ANKEF1: variants seen among roughly 807,000 people sequenced by gnomAD.
ANKEF1 encodes ankyrin repeat and EF-hand domain containing 1.
ANKEF1 carries 43 observed loss-of-function variants against 65.1 expected under a neutral mutation model. That is an observed-to-expected ratio of 0.66 (90% CI 0.52 to 0.85). The LOEUF (loss-of-function observed/expected upper bound fraction) is 0.85. Ranked by LOEUF, ANKEF1 falls within the 40% of genes least tolerant of loss-of-function variation. The pLI, the probability that ANKEF1 is intolerant of heterozygous loss-of-function variation, is 0.00. For synonymous variants in ANKEF1, 316 were observed against 341.5 expected, an observed-to-expected ratio of 0.93 and a Z score of 0.82; for missense variants, 934 against 952.9, an observed-to-expected ratio of 0.98 and a Z score of 0.26.
chr20:10,054,430 A>G (rs1177174038), intron 9 of ANKEF1, 32 bp from the exon 10 acceptor site: 1 of 1,497,076 alleles, frequency 6.7e-7, no homozygotes, highest in Non-Finnish European at 8.9e-7. Context: ...ATAGATTTTT[A>G]CAATTTATAA....
Position 10,040,008 on chromosome 20 carries a change from T to A in ANKEF1, c.346+1361T>A, listed in dbSNP as rs558858587. Among the ~76,000 whole-genome samples the A allele has an allele frequency of 3.2e-3, 487 of 152,270 alleles. 3 individuals are homozygous for A. The highest frequency in any genetic ancestry group is 0.011 in the African/African-American group (438 of 41,532). On this transcript the variant is annotated intron_variant, in intron 3 of 10. Coordinates refer to ENST00000378392, the MANE Select transcript of ANKEF1 (RefSeq NM_022096.6). ...ACAATGTAAAAGTGTAAATTTTTTTTAAAAAATCAAGGTAAAATTGGAAAC... is the reference window on the plus strand; with the variant it reads ...ACAATGTAAAAGTGTAAATTTTTTTAAAAAAATCAAGGTAAAATTGGAAAC...
chr20:10,045,735 T>C (rs768739450), intron 6 of ANKEF1, 38 bp downstream of exon 6: 2 of 1,608,422 alleles, frequency 1.2e-6, no homozygotes, highest in Admixed American at 3.3e-5. Context: ...CAAGTACTTA[T>C]GATTTACCCA....
chr20:10,043,161 A>C lies in ANKEF1; in HGVS notation c.386A>C (p.Tyr129Ser). ...FYCILPTKRH[Y>S]RCALIALEHG... ...TGCATTTTACCGACTAAGCGGCATT[A>C]TCGCTGTGCTCTGATCGCCCTTGAA... The change falls in exon 4 of 11, where the codon TAT becomes TCT. Residue 129 changes from tyrosine (Y) to serine (S), a missense_variant. Physicochemically the swap from Tyr to Ser is moderately radical, Grantham distance 144. Coordinates refer to ENST00000378392, the MANE Select transcript of ANKEF1 (RefSeq NM_022096.6). 6.2e-7 allele frequency: 1 copy of C among 1,614,164 alleles called. No homozygotes were observed. The highest frequency in any genetic ancestry group is 8.5e-7 in the Non-Finnish European group (1 of 1,180,020).
At chr20:10,051,977 T>A in intron 8 of ANKEF1, 88 bp downstream of exon 8, 3 of 1,033,038 alleles carry the variant, frequency 2.9e-6, no homozygotes, top group South Asian at 3.3e-5. Context: ...TCTCGTAGGC[T>A]TGCATTGTCC....
rs114733618 is a variant in ANKEF1 at position 10,043,355 on chromosome 20, G to A, written c.546+34G>A. ...ATTCTTGTGATTACAAATATTTCTT[G>A]TTTCAATTACAGCATAGTATAATCT... On this transcript the variant is annotated intron_variant, in intron 4 of 10. Transcript: ENST00000378392. The A allele has an allele frequency of 8.6e-4, 1,363 of 1,581,298 alleles. 14 individuals carry two copies. The African/African-American group carries it at 0.016, about 19-fold the overall frequency.
chr20:10,058,071 G>T lies in ANKEF1; in HGVS notation c.*2411G>T, dbSNP rs1985265502. ...CCCTTCTCAGTACATCATATCAGGA[G>T]GCACATGATGTTGATACCTGATATA... On this transcript the variant is annotated 3_prime_UTR_variant, in exon 11 of 11. Coordinates refer to ENST00000378392, the MANE Select transcript of ANKEF1 (RefSeq NM_022096.6). The T allele has an allele frequency of 6.6e-6, 1 of 152,126 alleles. No individual in the cohort carries two copies. The highest frequency in any genetic ancestry group is 2.1e-4 in the South Asian group (1 of 4,820). 9.4% of individuals were successfully genotyped at this position (152,126 alleles called of 1,614,324 possible).
At chr20:10,043,087 G>A in intron 3 of ANKEF1, 35 bp from the exon 4 acceptor site, 1 of 1,600,072 alleles carries the variant, frequency 6.2e-7, no homozygotes, top group Non-Finnish European at 8.6e-7. Flanking sequence ...ATGTATAGAT[G>A]TTAAATACTC....
intron 4 of ANKEF1, among the ~76,000 whole-genome samples, chr20:10,043,929 C>T (rs1388208898): frequency 6.6e-6 from 1 of 152,040 alleles, no homozygotes; most frequent in Admixed American, 6.6e-5. Flanking sequence ...TTCCAAAGCG[C>T]TGGGATTACA....
intron 10 of ANKEF1, 26 bp from the exon 11 acceptor site, chr20:10,055,476 G>T: frequency 2.5e-6 from 4 of 1,608,698 alleles, no homozygotes; most frequent in Non-Finnish European, 3.4e-6. Context: ...CATACCTGCT[G>T]GGGTATGGCT....
intron 10 of ANKEF1, among the ~76,000 whole-genome samples, chr20:10,055,211 C>T (rs1985076234): frequency 6.6e-6 from 1 of 152,124 alleles, no homozygotes; most frequent in African/African-American, 2.4e-5. Flanking sequence ...CTAAAAAACG[C>T]ACAGCAGCTG....
Position 10,055,856 on chromosome 20 carries a change from T to TA in ANKEF1, c.*196_*197insA. ...GTATGTTATTTTGAAATGAATGGTA[T>TA]GTCATTCTGGATAAATCCCCAAGCC... On this transcript the variant is annotated 3_prime_UTR_variant, in exon 11 of 11. Transcript: ENST00000378392. 1.7e-6 allele frequency: 1 copy of TA among 577,820 alleles called. No homozygotes were observed. The highest frequency in any genetic ancestry group is 4.5e-4 in the Middle Eastern group (1 of 2,218). The allele number at this position is 577,820 out of a possible 1,614,324, so 35.8% of individuals were successfully genotyped here.
chr20:10,041,095 A>G (rs1407190836), intron 3 of ANKEF1, among the ~76,000 whole-genome samples: 2 of 151,450 alleles, frequency 1.3e-5, no homozygotes, highest in African/African-American at 4.8e-5. Flanking sequence ...AGTTATCTAG[A>G]TTTCCCATAG....
At chr20:10,036,370 CAT>C (rs778971783) in intron 2 of ANKEF1, among the ~76,000 whole-genome samples, 4 of 149,932 alleles carry the variant, frequency 2.7e-5, no homozygotes, top group South Asian at 2.1e-4. Flanking sequence ...ATAGATGACA[CAT>C]ATACATATGC....
At chr20:10,053,665 TC>T (rs1295235546) in intron 9 of ANKEF1, among the ~76,000 whole-genome samples, 2 of 152,272 alleles carry the variant, frequency 1.3e-5, no homozygotes, top group South Asian at 2.1e-4. Context: ...TGATTTTTCT[TC>T]ATTTTGGTCT....
In ANKEF1 at chr20:10,057,200, T is replaced by C. The variant is rs940202581; in HGVS notation, c.*1540T>C. ...AACCTCCTCCCTCTCTTTCCAACCTTGGAGGGACCTTCCACAGGAGCCAGT... is the reference window on the plus strand; with the variant it reads ...AACCTCCTCCCTCTCTTTCCAACCTCGGAGGGACCTTCCACAGGAGCCAGT... On this transcript the variant is annotated 3_prime_UTR_variant, in exon 11 of 11. Coordinates refer to ENST00000378392, the MANE Select transcript of ANKEF1 (RefSeq NM_022096.6). 1 of 152,142 alleles carries C rather than the reference T, an allele frequency of 6.6e-6. No individual in the cohort carries two copies. Among genetic ancestry groups the C allele is most frequent in the African/African-American group, 2.4e-5 (1 of 41,402 alleles). The allele number at this position is 152,142 out of a possible 1,614,324, so 9.4% of individuals were successfully genotyped here.
rs1985148851 is a variant in ANKEF1 at position 10,056,355 on chromosome 20, G to T, written c.*695G>T. 1 of 151,382 alleles carries T rather than the reference G, an allele frequency of 6.6e-6. No homozygotes were observed. The highest frequency in any genetic ancestry group is 6.6e-5 in the Admixed American group (1 of 15,206). The allele number at this position is 151,382 out of a possible 1,614,324, so 9.4% of individuals were successfully genotyped here. A position where few individuals can be genotyped will look rare whatever the true frequency, so the allele number is the denominator to read the frequency against. On this transcript the variant is annotated 3_prime_UTR_variant, in exon 11 of 11. Coordinates refer to ENST00000378392, the MANE Select transcript of ANKEF1 (RefSeq NM_022096.6). ...ATTAGGTTGGTGCAAAAGTAATTGT[G>T]GTTTTTGCCATAACCTTTAATTGCA...
At chr20:10,035,530 CTTTGCTAAATGT>C (rs1040997751) in intron 1 of ANKEF1, 37 bp from the exon 2 acceptor site, 45 of 152,210 alleles carry the variant, frequency 3.0e-4, no homozygotes, top group African/African-American at 1.1e-3. Flanking sequence ...TATTGAAGGA[CTTTGCTAAATGT>C]TTTACAAGGA....
chr20:10,048,004 C>T (rs568570515), intron 6 of ANKEF1, among the ~76,000 whole-genome samples: 1 of 152,054 alleles, frequency 6.6e-6, no homozygotes, highest in Non-Finnish European at 1.5e-5. Context: ...ATCAAAACCC[C>T]CCAGACACCC....
rs1338459788 is a variant in ANKEF1, at chr20:10,038,479, G to T, written c.178G>T (p.Asp60Tyr). 6.2e-7 allele frequency: 1 copy of T among 1,614,208 alleles called. No individual in the cohort carries two copies. The highest frequency in any genetic ancestry group is 1.1e-5 in the South Asian group (1 of 91,082). The change falls in exon 3 of 11, where the codon GAT (aspartate) becomes TAT (tyrosine). Residue 60 changes from aspartate (D) to tyrosine (Y), a missense_variant. Coordinates refer to ENST00000378392, the MANE Select transcript of ANKEF1 (RefSeq NM_022096.6). ...SALHLASVSNDIDMVSFLLDL... is the reference protein window; with the variant it reads ...SALHLASVSNYIDMVSFLLDL... ...TTTGCACTTAGCCTCAGTTTCCAAT[G>T]ATATTGATATGGTCAGCTTTCTCCT...
Sources: allele counts gnomAD v4.1 joint callset (sites outside exome capture counted in the v4.1 genomes callset), GRCh38; gene constraint gnomAD v4.1.1; transcripts MANE v1.5; gene names NCBI Gene and HGNC (gene_info 2026-07-23, HGNC 2026-07-21).